The following COL14A1 variants were observed in gnomAD, a reference collection of about 807,000 sequenced individuals.
The protein encoded by COL14A1 is collagen alpha-1(XIV) chain.
Under a neutral mutation model 230.3 loss-of-function variants are expected in COL14A1, and 136 were observed. That is an observed-to-expected ratio of 0.59 (90% confidence interval 0.51 to 0.68). The LOEUF (loss-of-function observed/expected upper bound fraction) is 0.68. COL14A1 is among the 30% of genes least tolerant of loss of function. The pLI is 0.00. For synonymous variants in COL14A1, 792 were observed against 784.1 expected (o/e 1.01, Z -0.17); for missense variants, 1,976 against 2,215.8 (o/e 0.89, Z 2.17).
chr8:120,332,051 A>ACT, intron 40 of COL14A1, 90 bp from the exon 41 acceptor site: 1 of 1,076,892 alleles, frequency 9.3e-7, no homozygotes, highest in East Asian at 2.4e-5. Context: ...GCAGGACTTG[A>ACT]CCCCCAAACA....
At chr8:120,339,550 A>C (rs1002096890) in intron 42 of COL14A1, among the ~76,000 whole-genome samples, 3 of 152,186 alleles carry the variant, frequency 2.0e-5, no homozygotes, top group African/African-American at 7.2e-5. Flanking sequence ...AGGGAATCCC[A>C]GAGATCACTT....
chr8:120,227,881 C>T (rs1469111878), intron 17 of COL14A1, among the ~76,000 whole-genome samples: 1 of 152,128 alleles, frequency 6.6e-6, no homozygotes, highest in Non-Finnish European at 1.5e-5. Context: ...CCTGGGTTCC[C>T]TGGAACCAGA....
intron 24 of COL14A1, among the ~76,000 whole-genome samples, chr8:120,263,688 T>G (rs1026205370): frequency 6.6e-6 from 1 of 152,120 alleles, no homozygotes; most frequent in Non-Finnish European, 1.5e-5. Context: ...ATGTTGAATT[T>G]AAACTTGAAA....
chr8:120,249,797 A>G (rs961031003), intron 21 of COL14A1, among the ~76,000 whole-genome samples: 3 of 152,226 alleles, frequency 2.0e-5, no homozygotes, highest in Non-Finnish European at 4.4e-5. Flanking sequence ...ATATACATGT[A>G]TGGTCATTTG....
At chr8:120,173,564 C>CTATCTATCTATCTATCTATCT (rs138242637) in intron 5 of COL14A1, among the ~76,000 whole-genome samples, 5 of 149,166 alleles carry the variant, frequency 3.4e-5, no homozygotes, top group African/African-American at 7.4e-5. Flanking sequence ...AGCAATCAAT[C>CTATCTATCTATCTATCTATCT]ATCTATCTAT....
At chr8:120,174,476 C>A (rs1816209374) in intron 5 of COL14A1, among the ~76,000 whole-genome samples, 1 of 152,132 alleles carries the variant, frequency 6.6e-6, no homozygotes, top group Non-Finnish European at 1.5e-5. Flanking sequence ...AAGAAGTAGA[C>A]AACGGAAGAG....
At chr8:120,218,809 C>G (rs1017616582) in intron 14 of COL14A1, among the ~76,000 whole-genome samples, 1 of 152,034 alleles carries the variant, frequency 6.6e-6, no homozygotes, top group Non-Finnish European at 1.5e-5. Flanking sequence ...TATTGCTGCT[C>G]GATAGAAATC....
chr8:120,237,570 C>T (rs528424937), intron 19 of COL14A1, among the ~76,000 whole-genome samples: 1 of 152,246 alleles, frequency 6.6e-6, no homozygotes, highest in East Asian at 1.9e-4. Flanking sequence ...TCCTTTAGCT[C>T]GGAGGAGCTT....
chr8:120,200,036 C>A (rs2130721486), intron 8 of COL14A1, among the ~76,000 whole-genome samples: 1 of 91,536 alleles, frequency 1.1e-5, no homozygotes, highest in Non-Finnish European at 2.3e-5. Context: ...AGGTATCCTT[C>A]TTGTGTGAAA....
At chr8:120,306,925 T>G (rs1224418109) in intron 36 of COL14A1, among the ~76,000 whole-genome samples, 3 of 152,154 alleles carry the variant, frequency 2.0e-5, no homozygotes, top group Non-Finnish European at 4.4e-5. Context: ...TGTGACAGAC[T>G]GGGTATATTA....
At chr8:120,230,533 TC>T (rs1379779342) in intron 18 of COL14A1, among the ~76,000 whole-genome samples, 1 of 152,058 alleles carries the variant, frequency 6.6e-6, no homozygotes, top group Non-Finnish European at 1.5e-5. Context: ...CAACCATATT[TC>T]CTATGCTTCC....
chr8:120,124,629 C>T (rs1299345464), upstream of COL14A1, among the ~76,000 whole-genome samples: 1 of 152,108 alleles, frequency 6.6e-6, no homozygotes. Flanking sequence ...GACTTGTTCA[C>T]AAGAGGAAGA....
At chr8:120,369,868 C>T (rs1488502827) in intron 47 of COL14A1, among the ~76,000 whole-genome samples, 4 of 152,190 alleles carry the variant, frequency 2.6e-5, no homozygotes, top group African/African-American at 4.8e-5. Flanking sequence ...TAAAATTTTA[C>T]TCTTGGTTTG....
chr8:120,243,213 A>T (rs942249333), intron 19 of COL14A1, among the ~76,000 whole-genome samples: 1 of 152,190 alleles, frequency 6.6e-6, no homozygotes, highest in Non-Finnish European at 1.5e-5. Context: ...CACTTGCGCG[A>T]TGTCGAACCC....
intron 40 of COL14A1, among the ~76,000 whole-genome samples, chr8:120,321,890 T>C (rs1821462263): frequency 6.6e-6 from 1 of 152,146 alleles, no homozygotes; most frequent in Non-Finnish European, 1.5e-5. Flanking sequence ...GACTTAGGAA[T>C]GTATAGTTTT....
chr8:120,140,167 C>A (rs1230792764), intron 1 of COL14A1, among the ~76,000 whole-genome samples: 1 of 152,176 alleles, frequency 6.6e-6, no homozygotes, highest in African/African-American at 2.4e-5. Context: ...CAAATTATCA[C>A]CACAAGTGGC....
At chr8:120,230,084 A>T (rs115492649) in intron 18 of COL14A1, among the ~76,000 whole-genome samples, 2 of 151,922 alleles carry the variant, frequency 1.3e-5, no homozygotes, top group Non-Finnish European at 2.9e-5. Flanking sequence ...GTCTTTCCAT[A>T]TTACCCAGGC....
At chr8:120,348,928 G>A (rs1217413651) in intron 45 of COL14A1, among the ~76,000 whole-genome samples, 6 of 152,244 alleles carry the variant, frequency 3.9e-5, no homozygotes, top group Admixed American at 6.5e-5. Context: ...TTAAAAGAAC[G>A]AGGAGAGACC....
chr8:120,264,617 A>G (rs1819451068), intron 24 of COL14A1, among the ~76,000 whole-genome samples: 1 of 152,190 alleles, frequency 6.6e-6, no homozygotes, highest in Non-Finnish European at 1.5e-5. Flanking sequence ...CTTAAAGGTC[A>G]TAAACTAAAG....
Sources: gnomAD v4.1 joint callset for allele counts (sites outside exome capture counted in the v4.1 genomes callset) on GRCh38, gnomAD v4.1.1 for gene constraint, MANE v1.5 for transcripts, NCBI Gene and HGNC (gene_info 2026-07-23, HGNC 2026-07-21) for gene names.